Variants in HIKESHI observed in about 807,000 individuals in gnomAD.
The protein encoded by HIKESHI is protein Hikeshi.
In HIKESHI, 13 loss-of-function variants were observed where a neutral mutation model predicts 25.7. The observed-to-expected ratio is 0.51, with a 90% CI of 0.33 to 0.80. The LOEUF is 0.80. Among genes scored for constraint, HIKESHI ranks in the 30% least tolerant of loss-of-function variants. The pLI, the probability that HIKESHI is intolerant of heterozygous loss-of-function variation, is 0.02. For synonymous variants in HIKESHI, 76 were observed against 78.7 expected, an observed-to-expected ratio of 0.97 and a Z score of 0.18; for missense variants, 174 against 229.5, an observed-to-expected ratio of 0.76 and a Z score of 1.56.
chr11:86,316,515 A>T (rs1184299219), intron 2 of HIKESHI, among the ~76,000 whole-genome samples: 1 of 152,178 alleles, frequency 6.6e-6, no homozygotes, highest in East Asian at 1.9e-4. Flanking sequence ...CCATCTTCAA[A>T]AAATAAAATG....
intron 2 of HIKESHI, among the ~76,000 whole-genome samples, chr11:86,331,547 A>G (rs1593856688): frequency 6.6e-6 from 1 of 152,156 alleles, no homozygotes; most frequent in African/African-American, 2.4e-5. Flanking sequence ...AGTGACTGTT[A>G]CTGCCCTCCC....
intron 2 of HIKESHI, among the ~76,000 whole-genome samples, chr11:86,320,846 G>A (rs79491950): frequency 0.033 from 4,960 of 152,182 alleles, 260 homozygotes; most frequent in African/African-American, 0.11. Context: ...CATACAGTAT[G>A]CATTCTTTTT....
chr11:86,315,582 G>T (rs1163103740), intron 2 of HIKESHI, among the ~76,000 whole-genome samples: 5 of 152,108 alleles, frequency 3.3e-5, no homozygotes, highest in Non-Finnish European at 7.4e-5. Context: ...GCCTCCCAAA[G>T]TGCTGGGATT....
chr11:86,305,160 T>A (rs1946590808), intron 1 of HIKESHI, among the ~76,000 whole-genome samples: 1 of 151,636 alleles, frequency 6.6e-6, no homozygotes, highest in African/African-American at 2.4e-5. Context: ...CCACCACCCC[T>A]GGCTAATTTT....
rs182930613 is a variant in HIKESHI at position 86,311,447 on chromosome 11, C to A, written c.268+4965C>A. On this transcript the variant is annotated intron_variant, in intron 2 of 4. Coordinates refer to ENST00000278483, the MANE Select transcript of HIKESHI (RefSeq NM_016401.4). Reference sequence around the variant, plus strand: ...TTTATTGAGTCTATTTGATTCTTCTCTCTTTTCTTCTTTGTTAGTCTTGCT... The same window carrying A: ...TTTATTGAGTCTATTTGATTCTTCTATCTTTTCTTCTTTGTTAGTCTTGCT... 3.3e-5 allele frequency among the ~76,000 whole-genome samples: 5 copies of A among 152,166 alleles called. No homozygotes were observed. The East Asian group carries it at 9.6e-4, about 29-fold the overall frequency.
chr11:86,317,850 A>G (rs775957843), intron 2 of HIKESHI, among the ~76,000 whole-genome samples: 9 of 152,148 alleles, frequency 5.9e-5, no homozygotes, highest in Non-Finnish European at 8.8e-5. Flanking sequence ...AATGTTATTA[A>G]AAATGTGAAG....
chr11:86,325,601 T>C (rs1947258820), intron 2 of HIKESHI, among the ~76,000 whole-genome samples: 1 of 151,754 alleles, frequency 6.6e-6, no homozygotes, highest in Admixed American at 6.6e-5. Context: ...TGGCCGGGTG[T>C]GGTGGCTCAC....
chr11:86,318,322 A>AAAAAAAAAAAAAAAAAAAAAAAAAC (rs1947050127), intron 2 of HIKESHI, among the ~76,000 whole-genome samples: 1 of 148,496 alleles, frequency 6.7e-6, no homozygotes, highest in Non-Finnish European at 1.5e-5. Flanking sequence ...AAAAAAAAAA[A>AAAAAAAAAAAAAAAAAAAAAAAAAC]ATCCTGAATA....
chr11:86,303,962 A>G (rs1946558117), intron 1 of HIKESHI, among the ~76,000 whole-genome samples: 1 of 152,232 alleles, frequency 6.6e-6, no homozygotes, highest in Non-Finnish European at 1.5e-5. Context: ...AGACTCATAA[A>G]TAATAATTTC....
intron 2 of HIKESHI, among the ~76,000 whole-genome samples, chr11:86,313,503 A>G (rs974343551): frequency 6.6e-6 from 1 of 152,214 alleles, no homozygotes; most frequent in African/African-American, 2.4e-5. Context: ...AAGTGCTGGG[A>G]TTACAGGCAT....
intron 3 of HIKESHI, among the ~76,000 whole-genome samples, chr11:86,338,584 G>C (rs1947633003): frequency 6.6e-6 from 1 of 152,216 alleles, no homozygotes; most frequent in African/African-American, 2.4e-5. Flanking sequence ...AAGTCTTCTA[G>C]CAGAGGAGGA....
At chr11:86,328,118 C>T (rs966369011) in intron 2 of HIKESHI, among the ~76,000 whole-genome samples, 2 of 152,168 alleles carry the variant, frequency 1.3e-5, no homozygotes, top group Non-Finnish European at 2.9e-5. Flanking sequence ...ACTGTTAAGG[C>T]TCTTGAAATC....
rs144240555 is a variant in HIKESHI at position 86,311,891 on chromosome 11, G to C, written c.268+5409G>C. Among the ~76,000 whole-genome samples, 6 of 152,294 alleles carry C rather than the reference G, an allele frequency of 3.9e-5. No individual in the cohort carries two copies. In the East Asian group the frequency reaches 1.2e-3, roughly 29 times the overall value. The stretch of plus-strand genomic sequence containing the variant: ...GGTTTTGAGTGCGTTTCTTAATCCT[G>C]AGTTCTAGTTTGAATGCCCTGTGGT... On this transcript the variant is annotated intron_variant, in intron 2 of 4. Transcript: ENST00000278483.
At chr11:86,330,639 A>C (rs1447800301) in intron 2 of HIKESHI, among the ~76,000 whole-genome samples, 2 of 152,202 alleles carry the variant, frequency 1.3e-5, no homozygotes, top group Non-Finnish European at 2.9e-5. Context: ...TCAGTGGACT[A>C]CCTAAGTCTC....
At chr11:86,311,258 G>C (rs1946826666) in intron 2 of HIKESHI, among the ~76,000 whole-genome samples, 1 of 152,122 alleles carries the variant, frequency 6.6e-6, no homozygotes, top group Non-Finnish European at 1.5e-5. Flanking sequence ...GGTCTATTCA[G>C]GGATTCAACT....
rs1343239458 is a variant in HIKESHI, at chr11:86,344,638, T to C, written c.456T>C (p.Phe152=). ...AGATGTTGGACAATTTCTACAATTT[T>C]GCTTCATCATTTGCTGTCTCTCAGG... The part of the protein sequence containing the change: ...TQKMLDNFYN[F]ASSFAVSQAQ... The change falls in exon 4 of 5, where the codon TTT becomes TTC. Residue 152 remains phenylalanine, a synonymous_variant. Coordinates refer to ENST00000278483, the MANE Select transcript of HIKESHI (RefSeq NM_016401.4). 1 of 1,607,996 alleles carries C rather than the reference T, an allele frequency of 6.2e-7. No homozygotes were observed. Among genetic ancestry groups the C allele is most frequent in the Non-Finnish European group, 8.5e-7 (1 of 1,175,840 alleles).
intron 2 of HIKESHI, among the ~76,000 whole-genome samples, chr11:86,308,310 A>T (rs1946732917): frequency 1.2e-5 from 1 of 84,312 alleles, no homozygotes; most frequent in African/African-American, 5.2e-5. Flanking sequence ...TATATATTAT[A>T]TATAAAATAT....
chr11:86,304,867 G>A (rs1256169471), intron 1 of HIKESHI, among the ~76,000 whole-genome samples: 1 of 152,026 alleles, frequency 6.6e-6, no homozygotes, highest in East Asian at 1.9e-4. Context: ...ATGAATGACT[G>A]CAGAAATGCA....
chr11:86,326,293 G>A (rs1006827121), intron 2 of HIKESHI, among the ~76,000 whole-genome samples: 3 of 152,184 alleles, frequency 2.0e-5, no homozygotes, highest in Non-Finnish European at 2.9e-5. Context: ...GGGAGACTCC[G>A]TCTCAAAATA....
Sources: gnomAD v4.1 joint callset for allele counts (sites outside exome capture counted in the v4.1 genomes callset) on GRCh38, gnomAD v4.1.1 for gene constraint, MANE v1.5 for transcripts, NCBI Gene and HGNC (gene_info 2026-07-23, HGNC 2026-07-21) for gene names.